The following CIT variants were observed in gnomAD, a reference collection of about 807,000 sequenced individuals.
CIT encodes the protein citron Rho-interacting kinase.
In CIT, 79 loss-of-function variants were observed where a neutral mutation model predicts 272.7. The observed-to-expected ratio is 0.29, with a 90% CI of 0.24 to 0.35. The LOEUF is 0.35. Ranked by LOEUF, CIT falls within the 10% of genes least tolerant of loss-of-function variation. The pLI, the probability that CIT is intolerant of heterozygous loss-of-function variation, is 1.00. For synonymous variants in CIT, 948 were observed against 995.6 expected, an observed-to-expected ratio of 0.95 and a Z score of 0.90; for missense variants, 1,909 against 2,618.3, an observed-to-expected ratio of 0.73 and a Z score of 5.91.
intron 9 of CIT, among the ~76,000 whole-genome samples, chr12:119,820,406 C>A (rs1258326371): frequency 3.3e-5 from 5 of 151,870 alleles, no homozygotes; most frequent in Admixed American, 2.6e-4. Context: ...CAAAAAGTAG[C>A]CGGGCATGGT....
rs773559680 is a variant in CIT, at chr12:119,834,071, C to CAGAG, written c.659+11_659+14dup. On this transcript the variant is annotated intron_variant, in intron 6 of 47. Coordinates refer to ENST00000392521, the MANE Select transcript of CIT (RefSeq NM_001206999.2). ...AAAATCCTCAGCATAAAAATGCTACCAGAGTCTCACTTACCGATGCACGTA... is the reference window on the plus strand; with the variant it reads ...AAAATCCTCAGCATAAAAATGCTACCAGAGAGAGTCTCACTTACCGATGCACGTA... 6.3e-7 allele frequency: 1 copy of CAGAG among 1,594,104 alleles called. No individual in the cohort carries two copies. Among genetic ancestry groups the CAGAG allele is most frequent in the African/African-American group, 1.3e-5 (1 of 74,100 alleles).
intron 14 of CIT, 80 bp from the exon 15 acceptor site, chr12:119,776,488 G>A (rs889129906): frequency 1.6e-6 from 2 of 1,272,594 alleles, no homozygotes; most frequent in Middle Eastern, 1.9e-4. Flanking sequence ...TGGTCTCTGT[G>A]ACCAAGATAA....
chr12:119,828,697 G>A (rs987800036), intron 7 of CIT, among the ~76,000 whole-genome samples: 1 of 151,846 alleles, frequency 6.6e-6, no homozygotes, highest in Non-Finnish European at 1.5e-5. Flanking sequence ...CGAATAGCTG[G>A]GACTACAGGT....
In CIT at chr12:119,712,937, T is replaced by G; in HGVS notation, c.4580-242A>C. The G allele has an allele frequency of 1.7e-6, 1 of 578,322 alleles. No individual in the cohort carries two copies. The highest frequency in any genetic ancestry group is 3.1e-6 in the Non-Finnish European group (1 of 326,042). 35.8% of individuals were successfully genotyped at this position (578,322 alleles called of 1,614,324 possible). On this transcript the variant is annotated intron_variant, in intron 35 of 47. Transcript: ENST00000392521. This position sits in a 1 kb window ranked among gnomAD's most constrained non-coding sequence, Gnocchi z 5.2. ...TCTGATGACGATGCGGATTTATGGG[T>G]TAGTTGACTGAGGCAGAAGTTCTCG...
chr12:119,725,812 A>G (rs569285281), intron 28 of CIT, among the ~76,000 whole-genome samples: 2 of 152,352 alleles, frequency 1.3e-5, no homozygotes, highest in South Asian at 4.1e-4. Flanking sequence ...GCCCTCTCAG[A>G]AGGAAAATAG....
chr12:119,851,381 A>T (rs1353084712), intron 4 of CIT, among the ~76,000 whole-genome samples: 1 of 152,194 alleles, frequency 6.6e-6, no homozygotes, highest in Non-Finnish European at 1.5e-5. Context: ...CACCGGTAGC[A>T]ATGAAAACAC....
At chr12:119,759,784 G>A (rs536182675) in intron 20 of CIT, among the ~76,000 whole-genome samples, 1 of 152,298 alleles carries the variant, frequency 6.6e-6, no homozygotes, top group East Asian at 1.9e-4. Context: ...TGCTAAAAAG[G>A]TTGGGGACAG....
At chr12:119,803,566 T>C in intron 9 of CIT, 177 bp from the exon 10 acceptor site, 1 of 460,642 alleles carries the variant, frequency 2.2e-6, no homozygotes, top group Non-Finnish European at 3.8e-6. Context: ...ACCCCTTCTC[T>C]GCCAACATGG....
chr12:119,874,755 G>A (rs1220591766), intron 2 of CIT, among the ~76,000 whole-genome samples: 4 of 151,784 alleles, frequency 2.6e-5, no homozygotes, highest in Non-Finnish European at 5.9e-5. Flanking sequence ...GCGAGGTGAC[G>A]GGCGCCTGTA....
chr12:119,764,810 A>AT (rs1038496735), intron 19 of CIT, among the ~76,000 whole-genome samples: 3 of 151,832 alleles, frequency 2.0e-5, no homozygotes, highest in Non-Finnish European at 4.4e-5. Flanking sequence ...ATTCTTTTTT[A>AT]TTTTTTTCTT....
chr12:119,813,014 T>A (rs1242228498), intron 9 of CIT, among the ~76,000 whole-genome samples: 3 of 152,210 alleles, frequency 2.0e-5, no homozygotes, highest in Non-Finnish European at 2.9e-5. Context: ...CTTGTCCCCC[T>A]TATTTCCATC....
At chr12:119,859,395 G>A (rs1950266255) in intron 3 of CIT, among the ~76,000 whole-genome samples, 2 of 152,326 alleles carry the variant, frequency 1.3e-5, no homozygotes, top group South Asian at 4.1e-4. Context: ...ACTCAGCCCT[G>A]CAAGTGGCTC....
In CIT at chr12:119,782,606, A is replaced by G; in HGVS notation, c.1577T>C (p.Met526Thr). The change falls in exon 13 of 48, where the codon ATG becomes ACG. Residue 526 changes from methionine to threonine, a missense_variant. By Grantham distance (81) the Met-to-Thr change is moderately conservative. Around this residue, in one of 8 missense-constraint regions of CIT, gnomAD observed 19 missense variants for 21.4 expected, o/e 0.89. Coordinates refer to ENST00000392521, the MANE Select transcript of CIT (RefSeq NM_001206999.2). ...SLKRSLEQAR[M>T]EVSQEDDKAL... Reference sequence around the variant, plus strand: ...TTTGTCATCCTCCTGGGACACCTCCATCCGTGCTTGCTCCAAACTTCGCTT... The same window carrying G: ...TTTGTCATCCTCCTGGGACACCTCCGTCCGTGCTTGCTCCAAACTTCGCTT... The G allele has an allele frequency of 6.2e-7, 1 of 1,614,206 alleles. No homozygotes were observed. Among genetic ancestry groups the G allele is most frequent in the Non-Finnish European group, 8.5e-7 (1 of 1,180,042 alleles).
chr12:119,811,393 G>T (rs1966846553), intron 9 of CIT, among the ~76,000 whole-genome samples: 1 of 152,144 alleles, frequency 6.6e-6, no homozygotes, highest in Non-Finnish European at 1.5e-5. Flanking sequence ...CCATCTCTTT[G>T]CCTCCCCAAA....
rs772645494 is a variant in CIT, at chr12:119,690,340, G to T, written c.5997C>A (p.His1999Gln). ...GCTCGGTCCGCCCCTCGCGGTAGCG[G>T]TGGGGTGTGCTTGGCTCTCGCGGGT... ...PSHPREPSTP[H>Q]RYREGRTELR... The change falls in exon 47 of 48, where the codon CAC becomes CAA. Residue 1999 changes from histidine (H) to glutamine (Q), a missense_variant. This residue lies in a region of CIT where 780 missense variants were observed against 1,067.2 expected (regional missense o/e 0.73). Transcript: ENST00000392521. This position sits in a 1 kb window ranked among gnomAD's most constrained non-coding sequence, Gnocchi z 6.0. 1 of 1,597,942 alleles carries T rather than the reference G, an allele frequency of 6.3e-7. No individual in the cohort carries two copies. The highest frequency in any genetic ancestry group is 1.7e-5 in the Admixed American group (1 of 59,428).
At chr12:119,717,857 T>TTTTTTTTTTTTTTTTTTTTTC (rs1957609546) in intron 32 of CIT, among the ~76,000 whole-genome samples, 1 of 141,876 alleles carries the variant, frequency 7.0e-6, no homozygotes. Context: ...TTTTTTTTTT[T>TTTTTTTTTTTTTTTTTTTTTC]TGAGATGGAG....
intron 9 of CIT, among the ~76,000 whole-genome samples, chr12:119,821,586 TA>T (rs1967727841): frequency 6.6e-6 from 1 of 152,146 alleles, no homozygotes; most frequent in African/African-American, 2.4e-5. Flanking sequence ...GATACATTCT[TA>T]GACATGATCA....
chr12:119,773,130 A>C (rs559887526), intron 16 of CIT, among the ~76,000 whole-genome samples: 1 of 152,236 alleles, frequency 6.6e-6, no homozygotes, highest in Non-Finnish European at 1.5e-5. Context: ...TCATTATTCT[A>C]AGGTGCACTT....
chr12:119,757,077 A>G (rs1409598633), intron 22 of CIT, among the ~76,000 whole-genome samples: 2 of 150,156 alleles, frequency 1.3e-5, no homozygotes. Flanking sequence ...CCAAGATCGC[A>G]CCACTGCACT....
Sources: allele counts gnomAD v4.1 joint callset (sites outside exome capture counted in the v4.1 genomes callset), GRCh38; gene constraint gnomAD v4.1.1; regional missense constraint gnomAD v4.1.1; non-coding constraint Gnocchi (gnomAD v3.1); transcripts MANE v1.5; gene names NCBI Gene and HGNC (gene_info 2026-07-23, HGNC 2026-07-21).